Variants in ERC2 observed in about 807,000 individuals in gnomAD.
The protein encoded by ERC2 is ELKS/RAB6-interacting/CAST family member 2.
Under a neutral mutation model 114.8 loss-of-function variants are expected in ERC2, and 42 were observed. That is an observed-to-expected ratio of 0.37 (90% CI 0.29 to 0.47). The LOEUF is 0.47. Ranked by LOEUF, ERC2 falls within the 20% of genes least tolerant of loss-of-function variation. ERC2 has a pLI of 0.99. For synonymous variants in ERC2, 454 were observed against 425.5 expected (o/e 1.07, Z -0.82); for missense variants, 939 against 1,150.7 (o/e 0.82, Z 2.66).
chr3:56,066,478 CAA>C (rs2076487732), intron 7 of ERC2, among the ~76,000 whole-genome samples: 1 of 152,098 alleles, frequency 6.6e-6, no homozygotes, highest in Non-Finnish European at 1.5e-5. Flanking sequence ...GGGTGGATTG[CAA>C]AAGTTTTCTC....
chr3:56,139,791 G>A, intron 5 of ERC2, 115 bp from the exon 6 acceptor site: 3 of 1,168,844 alleles, frequency 2.6e-6, no homozygotes, highest in Non-Finnish European at 3.6e-6. Context: ...ATCCAACAAG[G>A]CAGGCCACGA....
chr3:55,757,338 G>A lies in ERC2; in HGVS notation c.2565-22420C>T, dbSNP rs144169568. Among the ~76,000 whole-genome samples, 691 of 152,190 alleles carry A rather than the reference G, an allele frequency of 4.5e-3. 5 individuals carry two copies. The highest frequency in any genetic ancestry group is 0.015 in the African/African-American group (641 of 41,486). Reference sequence around the variant, plus strand: ...GAATTTTAAAGAAATCTGAGAACTGGAAAAGGATGTCCCTTCCACACTGGT... The same window carrying A: ...GAATTTTAAAGAAATCTGAGAACTGAAAAAGGATGTCCCTTCCACACTGGT... On this transcript the variant is annotated intron_variant, in intron 14 of 17. Coordinates refer to ENST00000288221, the MANE Select transcript of ERC2 (RefSeq NM_015576.3).
At chr3:55,882,408 C>T (rs903237564) in intron 14 of ERC2, among the ~76,000 whole-genome samples, 1 of 152,126 alleles carries the variant, frequency 6.6e-6, no homozygotes, top group African/African-American at 2.4e-5. Context: ...TCCTTTATAG[C>T]AACACTAAAT....
At chr3:55,995,397 A>G (rs1300286899) in intron 10 of ERC2, among the ~76,000 whole-genome samples, 1 of 152,176 alleles carries the variant, frequency 6.6e-6, no homozygotes, top group East Asian at 1.9e-4. Flanking sequence ...TGTGAGTTAA[A>G]TCTCTCTATC....
At chr3:56,371,457 C>A (rs1468171070) in intron 2 of ERC2, among the ~76,000 whole-genome samples, 2 of 152,236 alleles carry the variant, frequency 1.3e-5, no homozygotes, top group Non-Finnish European at 2.9e-5. Flanking sequence ...CTGTGTCAAA[C>A]ACGACAAGTA....
chr3:55,714,919 G>A (rs938809334), intron 15 of ERC2, among the ~76,000 whole-genome samples: 1 of 151,636 alleles, frequency 6.6e-6, no homozygotes, highest in Non-Finnish European at 1.5e-5. Context: ...ATATTAGGGG[G>A]AGATACTGTT....
At chr3:56,303,863 G>A (rs938141006) in intron 2 of ERC2, among the ~76,000 whole-genome samples, 1 of 152,152 alleles carries the variant, frequency 6.6e-6, no homozygotes, top group African/African-American at 2.4e-5. Context: ...GCAAGGACTG[G>A]GAGAGGCGAT....
intron 15 of ERC2, among the ~76,000 whole-genome samples, chr3:55,710,491 T>G (rs1377204243): frequency 2.0e-5 from 3 of 152,136 alleles, no homozygotes; most frequent in Non-Finnish European, 4.4e-5. Flanking sequence ...TATGGTTGTT[T>G]TTTTTTTCCT....
chr3:55,989,990 C>CAGG (rs1465458748), intron 11 of ERC2, among the ~76,000 whole-genome samples: 1 of 152,168 alleles, frequency 6.6e-6, no homozygotes, highest in Non-Finnish European at 1.5e-5. Flanking sequence ...GGCCCAATCT[C>CAGG]AGGAAGGTCA....
intron 7 of ERC2, among the ~76,000 whole-genome samples, chr3:56,033,903 T>C (rs1342547595): frequency 6.6e-6 from 1 of 152,124 alleles, no homozygotes; most frequent in East Asian, 1.9e-4. Flanking sequence ...TCAAGTGTCC[T>C]TCCCACCTCA....
At chr3:56,008,585 T>C (rs1031810576) in intron 9 of ERC2, among the ~76,000 whole-genome samples, 1 of 152,180 alleles carries the variant, frequency 6.6e-6, no homozygotes, top group South Asian at 2.1e-4. Context: ...TTGTTTTCCT[T>C]TATAAATTTT....
intron 17 of ERC2, among the ~76,000 whole-genome samples, chr3:55,580,615 T>C (rs1439070399): frequency 6.6e-6 from 1 of 152,200 alleles, no homozygotes; most frequent in Non-Finnish European, 1.5e-5. Context: ...TTCTCTGGGC[T>C]TGTGTGATGC....
chr3:56,343,976 T>C (rs145108345), intron 2 of ERC2, among the ~76,000 whole-genome samples: 298 of 152,298 alleles, frequency 2.0e-3, no homozygotes, highest in African/African-American at 6.6e-3. Context: ...TGTTGAAATT[T>C]AACATTCTTT....
intron 14 of ERC2, among the ~76,000 whole-genome samples, chr3:55,786,552 G>A (rs1382206044): frequency 6.6e-6 from 1 of 152,174 alleles, no homozygotes; most frequent in African/African-American, 2.4e-5. Context: ...ACTGTGCCAA[G>A]TACTTTACAT....
chr3:55,542,215 T>C (rs2107348198), intron 17 of ERC2, among the ~76,000 whole-genome samples: 1 of 152,330 alleles, frequency 6.6e-6, no homozygotes, highest in Middle Eastern at 3.4e-3. Context: ...ACAGCTATGG[T>C]GGAGGTCACC....
At chr3:56,143,979 A>G (rs973658184) in intron 5 of ERC2, among the ~76,000 whole-genome samples, 1 of 152,202 alleles carries the variant, frequency 6.6e-6, no homozygotes, top group Non-Finnish European at 1.5e-5. Context: ...TGGAAATCCC[A>G]TTTGCAAGAA....
chr3:56,279,160 A>G (rs761161723), intron 3 of ERC2, among the ~76,000 whole-genome samples: 3 of 152,190 alleles, frequency 2.0e-5, no homozygotes, highest in Non-Finnish European at 4.4e-5. Flanking sequence ...CTGATCCTTC[A>G]CAAAAGAACA....
At position 55,699,252 on chromosome 3, in the gene ERC2, C is replaced by T. The variant is rs1414918168; in HGVS notation, c.2847+126G>A. On this transcript the variant is annotated intron_variant, in intron 16 of 17. Coordinates refer to ENST00000288221, the MANE Select transcript of ERC2 (RefSeq NM_015576.3). ...TGACTGATGGAAATAAATACCAAAGCTATTAGTTTCAGTTCAAAGAACGTA... is the reference window on the plus strand; with the variant it reads ...TGACTGATGGAAATAAATACCAAAGTTATTAGTTTCAGTTCAAAGAACGTA... 11 of 1,172,714 alleles carry T rather than the reference C, an allele frequency of 9.4e-6. No individual in the cohort carries two copies. In the East Asian group the frequency reaches 2.8e-4, roughly 30 times the overall value. The allele number at this position is 1,172,714 out of a possible 1,614,324, so 72.6% of individuals were successfully genotyped here.
chr3:56,137,719 G>C (rs922833352), intron 6 of ERC2, among the ~76,000 whole-genome samples: 1 of 152,200 alleles, frequency 6.6e-6, no homozygotes, highest in Admixed American at 6.5e-5. Context: ...ACCCCTATTT[G>C]AGACAAGTAC....
Sources: gnomAD v4.1 joint callset for allele counts (sites outside exome capture counted in the v4.1 genomes callset) on GRCh38, gnomAD v4.1.1 for gene constraint, MANE v1.5 for transcripts, NCBI Gene and HGNC (gene_info 2026-07-23, HGNC 2026-07-21) for gene names.